The following NF1 variants were observed in gnomAD, a reference collection of about 807,000 sequenced individuals.
NF1 encodes neurofibromin 1.
A neutral mutation model predicts 325.7 loss-of-function variants in NF1; 122 were observed. The observed-to-expected ratio is 0.37, with a 90% CI of 0.32 to 0.44. NF1 has a LOEUF of 0.44. Ranked by LOEUF, NF1 falls within the 20% of genes least tolerant of loss-of-function variation. NF1 has a pLI of 1.00. For missense variants in NF1, 2,140 were observed against 3,415.4 expected (o/e 0.63, Z 9.31); for synonymous variants, 1,091 against 1,186.0 (o/e 0.92, Z 1.65).
intron 11 of NF1, among the ~76,000 whole-genome samples, chr17:31,205,263 A>T (rs2066599795): frequency 6.6e-6 from 1 of 152,152 alleles, no homozygotes; most frequent in South Asian, 2.1e-4. Flanking sequence ...TGGGACTGAA[A>T]TGTGAGAGAT....
chr17:31,202,213 A>G (rs1376709008), intron 11 of NF1, among the ~76,000 whole-genome samples: 2 of 152,192 alleles, frequency 1.3e-5, no homozygotes, highest in Non-Finnish European at 2.9e-5. Context: ...GAAAGTTTTC[A>G]AGTGTTATTT....
At chr17:31,114,205 C>G (rs765771866) in intron 1 of NF1, among the ~76,000 whole-genome samples, 1 of 152,168 alleles carries the variant, frequency 6.6e-6, no homozygotes, top group African/African-American at 2.4e-5. Context: ...TTTATAACTA[C>G]TTCTGCTGTA....
chr17:31,336,862 G>A lies in NF1; in HGVS notation c.6375G>A (p.Leu2125=), dbSNP rs773467465. 7.4e-5 allele frequency: 120 copies of A among 1,613,292 alleles called. No individual in the cohort carries two copies. The highest frequency in any genetic ancestry group is 9.0e-5 in the Non-Finnish European group (106 of 1,179,968). Residue 2125 remains leucine, a synonymous_variant, in exon 42 of 58, where the codon CTG becomes CTA. Transcript: ENST00000358273. This position sits in a 1 kb window ranked among gnomAD's most constrained non-coding sequence, Gnocchi z 5.5. ...CCCTTAGAGCTTCCACACATGGACT[G>A]GTCATTAATATCATTCACTCTCTGT... is the stretch of plus-strand genomic sequence containing the variant. The part of the protein sequence containing the change: ...PLSLRASTHG[L]VINIIHSLCT...
chr17:31,194,171 T>C (rs1002811406), intron 8 of NF1, among the ~76,000 whole-genome samples: 3 of 151,994 alleles, frequency 2.0e-5, no homozygotes, highest in African/African-American at 7.3e-5. Flanking sequence ...GTAAAGAAAA[T>C]ATGGTATATA....
At chr17:31,201,712 A>G (rs185858149) in intron 11 of NF1, among the ~76,000 whole-genome samples, 22 of 152,326 alleles carry the variant, frequency 1.4e-4, no homozygotes, top group African/African-American at 4.8e-4. Flanking sequence ...TGGAGTTAAT[A>G]AGATGCTTTG....
intron 36 of NF1, among the ~76,000 whole-genome samples, chr17:31,301,516 T>C (rs745612111): frequency 1.3e-4 from 20 of 152,214 alleles, no homozygotes; most frequent in Non-Finnish European, 2.8e-4. Flanking sequence ...GCTACTTTAC[T>C]TTTTGATCAG....
chr17:31,358,382 G>A (rs1949505624), intron 54 of NF1, 98 bp from the exon 55 acceptor site: 1 of 1,268,466 alleles, frequency 7.9e-7, no homozygotes, highest in Non-Finnish European at 1.1e-6. Flanking sequence ...TTTAATTTTG[G>A]CACATTATTC....
At chr17:31,307,675 A>G (rs912050745) in intron 36 of NF1, among the ~76,000 whole-genome samples, 1 of 152,180 alleles carries the variant, frequency 6.6e-6, no homozygotes, top group African/African-American at 2.4e-5. Context: ...TACTGAGACA[A>G]TTTGCAACTT....
At chr17:31,320,332 G>A (rs1567894072) in intron 36 of NF1, 3 of 1,462,236 alleles carry the variant, frequency 2.1e-6, no homozygotes, top group Non-Finnish European at 2.7e-6. Context: ...GTACTTAGGA[G>A]TCCTTTTATT....
chr17:31,336,217 A>ATTT lies in NF1; in HGVS notation c.6007-116_6007-115insTTT, dbSNP rs2069664664. On this transcript the variant is annotated intron_variant, in intron 40 of 57. Coordinates refer to ENST00000358273, the MANE Select transcript of NF1 (RefSeq NM_001042492.3). This position sits in a 1 kb window ranked among gnomAD's most constrained non-coding sequence, Gnocchi z 5.5. Reference sequence around the variant, plus strand: ...CTGTAAATAAAATCTAGTATTTTTGAGGCCTCAGGTAAAATAGAATTTTCA... The same window carrying ATTT: ...CTGTAAATAAAATCTAGTATTTTTGATTTGGCCTCAGGTAAAATAGAATTTTCA... The ATTT allele has an allele frequency of 9.7e-7, 1 of 1,031,894 alleles. No homozygotes were observed. The highest frequency in any genetic ancestry group is 1.4e-6 in the Non-Finnish European group (1 of 692,830). The allele number at this position is 1,031,894 out of a possible 1,614,324, so 63.9% of individuals were successfully genotyped here. A position where few individuals can be genotyped will look rare whatever the true frequency, so the allele number is the denominator to read the frequency against.
At chr17:31,283,288 G>A (rs1227868542) in intron 36 of NF1, among the ~76,000 whole-genome samples, 2 of 152,026 alleles carry the variant, frequency 1.3e-5, no homozygotes, top group Admixed American at 6.5e-5. Flanking sequence ...GTGGTGGCGG[G>A]CACCTGTAGT....
intron 1 of NF1, among the ~76,000 whole-genome samples, chr17:31,132,691 A>G (rs1299408681): frequency 1.3e-5 from 2 of 151,470 alleles, no homozygotes; most frequent in African/African-American, 4.9e-5. Flanking sequence ...TTTGAGACGG[A>G]GTTTCACTGT....
chr17:31,263,705 A>G lies in NF1; in HGVS notation c.4725-1524A>G, dbSNP rs1270432957. ...GTATCTGGTACTTGTAAAGTAATTAATAAATGTTGGATCTTATTTTTGTTC... is the reference window on the plus strand; with the variant it reads ...GTATCTGGTACTTGTAAAGTAATTAGTAAATGTTGGATCTTATTTTTGTTC... On this transcript the variant is annotated intron_variant, in intron 35 of 57. Transcript: ENST00000358273. Among the ~76,000 whole-genome samples, 105 of 151,882 alleles carry G rather than the reference A, an allele frequency of 6.9e-4. 1 individual carries two copies. Among genetic ancestry groups the G allele is most frequent in the Non-Finnish European group, 1.0e-4 (7 of 67,908 alleles).
chr17:31,334,591 A>G (rs2069592010), intron 39 of NF1: 7 of 477,558 alleles, frequency 1.5e-5, no homozygotes. Context: ...ACAAGAAAGG[A>G]CTAAAATGGA....
At chr17:31,256,462 T>C (rs1331280128) in intron 31 of NF1, among the ~76,000 whole-genome samples, 1 of 152,190 alleles carries the variant, frequency 6.6e-6, no homozygotes, top group Non-Finnish European at 1.5e-5. Context: ...AGATTAAAAT[T>C]TGGGAGTTTT....
intron 33 of NF1, among the ~76,000 whole-genome samples, chr17:31,259,535 A>T (rs564712223): frequency 6.6e-6 from 1 of 152,158 alleles, no homozygotes; most frequent in Non-Finnish European, 1.5e-5. Context: ...TTGGAAGTGT[A>T]TCTAAACTAA....
rs2070317589 is a variant in NF1, at chr17:31,358,194, A to G, written c.7971-286A>G. 3 of 458,738 alleles carry G rather than the reference A, an allele frequency of 6.5e-6. No individual in the cohort carries two copies. In the East Asian group the frequency reaches 1.3e-4, roughly 20 times the overall value. 28.4% of individuals were successfully genotyped at this position (458,738 alleles called of 1,614,324 possible). A position where few individuals can be genotyped will look rare whatever the true frequency, so the allele number is the denominator to read the frequency against. The stretch of plus-strand genomic sequence containing the variant: ...GACAGAGCCAACCTTGTCTTAAGCA[A>G]ACATTTACCGTATATGGTTACACAT... On this transcript the variant is annotated intron_variant, in intron 54 of 57. Coordinates refer to ENST00000358273, the MANE Select transcript of NF1 (RefSeq NM_001042492.3).
intron 1 of NF1, among the ~76,000 whole-genome samples, chr17:31,143,577 C>T (rs1916381803): frequency 6.6e-6 from 1 of 151,998 alleles, no homozygotes; most frequent in Admixed American, 6.6e-5. Flanking sequence ...TGGCAGCACC[C>T]ATATATTTTA....
chr17:31,357,337 C>T lies in NF1; in HGVS notation c.7938C>T (p.Ala2646=), dbSNP rs1487656380. ...TTCTTTATGAATACTTAGCAGAGGC[C>T]AGTGTTGTGTTTCCCAAAGTCTTTC... The part of the protein sequence containing the change: ...QRILYEYLAE[A]SVVFPKVFPV... The change falls in exon 54 of 58, where the codon GCC becomes GCT. Residue 2646 remains alanine, a synonymous_variant. Transcript: ENST00000358273. 1 of 1,613,806 alleles carries T rather than the reference C, an allele frequency of 6.2e-7. No individual in the cohort carries two copies.
Sources: allele counts gnomAD v4.1 joint callset (sites outside exome capture counted in the v4.1 genomes callset), GRCh38; gene constraint gnomAD v4.1.1; non-coding constraint Gnocchi (gnomAD v3.1); transcripts MANE v1.5; gene names NCBI Gene and HGNC (gene_info 2026-07-23, HGNC 2026-07-21).